NSMCE2: variants seen among roughly 807,000 people sequenced by gnomAD.
The protein encoded by NSMCE2 is NSE2 SUMO ligase component of SMC5/6 complex.
In NSMCE2, 24 loss-of-function variants were observed where a neutral mutation model predicts 23.8. The ratio of observed to expected loss-of-function variants is 1.01; its 90% CI spans 0.73 to 1.42. NSMCE2 has a LOEUF of 1.42. Among genes scored for constraint, NSMCE2 ranks in the 40% most tolerant of loss-of-function variants. The probability of loss-of-function intolerance (pLI) is 0.00; values close to 1 mark genes in which losing one functional copy is unlikely to be tolerated. For missense variants in NSMCE2, 284 were observed against 296.5 expected, an observed-to-expected ratio of 0.96 and a Z score of 0.31; for synonymous variants, 92 against 94.1, an observed-to-expected ratio of 0.98 and a Z score of 0.13.
At chr8:125,310,592 C>T (rs1048554379) in intron 5 of NSMCE2, among the ~76,000 whole-genome samples, 3 of 152,080 alleles carry the variant, frequency 2.0e-5, no homozygotes, top group African/African-American at 7.2e-5. Flanking sequence ...TACTTTAAGC[C>T]CCCTTTTTTT....
intron 3 of NSMCE2, among the ~76,000 whole-genome samples, chr8:125,137,597 C>A (rs1480122320): frequency 6.6e-6 from 1 of 152,128 alleles, no homozygotes; most frequent in African/African-American, 2.4e-5. Flanking sequence ...GGTGTGGTTT[C>A]TCTGGCACAG....
intron 5 of NSMCE2, among the ~76,000 whole-genome samples, chr8:125,311,898 G>T (rs1278647836): frequency 1.3e-5 from 2 of 151,782 alleles, no homozygotes; most frequent in Non-Finnish European, 2.9e-5. Context: ...GACCAACATG[G>T]TCTCTACTAA....
At chr8:125,104,810 G>A (rs928904820) in intron 3 of NSMCE2, among the ~76,000 whole-genome samples, 3 of 152,166 alleles carry the variant, frequency 2.0e-5, no homozygotes, top group Non-Finnish European at 4.4e-5. Context: ...GCCGAAGCAG[G>A]AGGATCTCCT....
chr8:125,143,348 G>C (rs1188733728), intron 3 of NSMCE2, among the ~76,000 whole-genome samples: 1 of 152,126 alleles, frequency 6.6e-6, no homozygotes, highest in Admixed American at 6.6e-5. Context: ...CCCATATTCT[G>C]TTTCAGAAAG....
chr8:125,337,205 G>GGAC (rs1830086992), intron 5 of NSMCE2, among the ~76,000 whole-genome samples: 2 of 152,212 alleles, frequency 1.3e-5, no homozygotes, highest in African/African-American at 4.8e-5. Context: ...ACAGTAAGAA[G>GGAC]TCTGTTTCCT....
At chr8:125,112,602 A>G (rs1818818074) in intron 3 of NSMCE2, among the ~76,000 whole-genome samples, 1 of 152,228 alleles carries the variant, frequency 6.6e-6, no homozygotes, top group Non-Finnish European at 1.5e-5. Flanking sequence ...ACATGGGTGA[A>G]TCTGGAAGAT....
chr8:125,254,101 A>G (rs1826310941), intron 5 of NSMCE2, among the ~76,000 whole-genome samples: 1 of 152,190 alleles, frequency 6.6e-6, no homozygotes, highest in Non-Finnish European at 1.5e-5. Context: ...TACCTTTTAA[A>G]TTAGGCTTGT....
At chr8:125,202,690 A>G (rs536278781) in intron 5 of NSMCE2, among the ~76,000 whole-genome samples, 40 of 152,300 alleles carry the variant, frequency 2.6e-4, no homozygotes, top group African/African-American at 9.1e-4. Context: ...AACTTATTAG[A>G]GGCATTTACT....
intron 5 of NSMCE2, among the ~76,000 whole-genome samples, chr8:125,223,294 G>A (rs767066838): frequency 1.3e-5 from 2 of 151,658 alleles, no homozygotes; most frequent in Non-Finnish European, 2.9e-5. Context: ...AGAAGCAGAG[G>A]TTGCTATGAG....
chr8:125,267,061 A>G (rs948200758), intron 5 of NSMCE2, among the ~76,000 whole-genome samples: 4 of 142,000 alleles, frequency 2.8e-5, no homozygotes, highest in African/African-American at 7.8e-5. Context: ...CAGTAGTGCA[A>G]TGGCATGATA....
At chr8:125,184,554 T>A (rs1822999327) in intron 5 of NSMCE2, among the ~76,000 whole-genome samples, 1 of 152,118 alleles carries the variant, frequency 6.6e-6, no homozygotes, top group Admixed American at 6.5e-5. Flanking sequence ...CCCCTAGAAT[T>A]TTATTTTAAA....
rs569606390 is a variant in NSMCE2, at chr8:125,154,401, A to G, written c.264+3124A>G. On this transcript the variant is annotated intron_variant, in intron 4 of 7. Coordinates refer to ENST00000287437, the MANE Select transcript of NSMCE2 (RefSeq NM_173685.4). ...CTGGGAAGTCCCTTTGGCAATTAGC[A>G]GAAGTTCTCAGGTTACCTTCCGTTG... Among the ~76,000 whole-genome samples the G allele has an allele frequency of 1.9e-3, 296 of 152,142 alleles. 1 individual carries two copies. Among genetic ancestry groups the G allele is most frequent in the African/African-American group, 6.9e-3 (288 of 41,512 alleles).
chr8:125,289,542 C>T (rs930149164), intron 5 of NSMCE2, among the ~76,000 whole-genome samples: 1 of 152,196 alleles, frequency 6.6e-6, no homozygotes, highest in African/African-American at 2.4e-5. Flanking sequence ...TTTCCTGTTT[C>T]CTTGTCTGTC....
intron 5 of NSMCE2, among the ~76,000 whole-genome samples, chr8:125,233,041 T>C (rs1480979500): frequency 6.6e-6 from 1 of 152,240 alleles, no homozygotes; most frequent in Non-Finnish European, 1.5e-5. Context: ...TCTGTCATCT[T>C]CTACAGGGAT....
chr8:125,266,218 A>C (rs1281969220), intron 5 of NSMCE2, among the ~76,000 whole-genome samples: 1 of 151,370 alleles, frequency 6.6e-6, no homozygotes, highest in African/African-American at 2.4e-5. Flanking sequence ...CGGCCTCCCG[A>C]GTAGTTGGGA....
At chr8:125,319,533 G>A (rs1829342037) in intron 5 of NSMCE2, among the ~76,000 whole-genome samples, 1 of 152,276 alleles carries the variant, frequency 6.6e-6, no homozygotes, top group South Asian at 2.1e-4. Flanking sequence ...GTGTGTGTGT[G>A]TGGGCAGTGG....
chr8:125,133,464 G>T (rs1819874506), intron 3 of NSMCE2, among the ~76,000 whole-genome samples: 1 of 152,144 alleles, frequency 6.6e-6, no homozygotes, highest in African/African-American at 2.4e-5. Flanking sequence ...ATTCAGCCGG[G>T]TGTGGTGGCT....
At chr8:125,213,193 C>T (rs541089904) in intron 5 of NSMCE2, among the ~76,000 whole-genome samples, 1 of 152,064 alleles carries the variant, frequency 6.6e-6, no homozygotes, top group South Asian at 2.1e-4. Context: ...CTTTTATTCT[C>T]TGTTGTGAGA....
At chr8:125,234,000 C>A (rs1340867362) in intron 5 of NSMCE2, among the ~76,000 whole-genome samples, 3 of 145,624 alleles carry the variant, frequency 2.1e-5, no homozygotes, top group Non-Finnish European at 3.0e-5. Flanking sequence ...CATGGTGAAA[C>A]CCTGTCTCTA....
Sources: allele counts gnomAD v4.1 joint callset (sites outside exome capture counted in the v4.1 genomes callset), GRCh38; gene constraint gnomAD v4.1.1; transcripts MANE v1.5; gene names NCBI Gene and HGNC (gene_info 2026-07-23, HGNC 2026-07-21).